ZNF610: variants seen among roughly 807,000 people sequenced by gnomAD.
ZNF610 encodes the protein zinc finger protein 610.
A neutral mutation model predicts 14.1 loss-of-function variants in ZNF610; 14 were observed. That is an observed-to-expected ratio of 0.99 (90% confidence interval 0.65 to 1.55). ZNF610 has a LOEUF of 1.55. Among genes scored for constraint, ZNF610 ranks in the 40% most tolerant of loss-of-function variants. ZNF610 has a pLI of 0.00. For synonymous variants in ZNF610, 185 were observed against 187.6 expected (o/e 0.99, Z 0.11); for missense variants, 530 against 558.0 (o/e 0.95, Z 0.51).
At chr19:52,335,121 C>T (rs940744623), upstream of ZNF610, among the ~76,000 whole-genome samples, 17 of 151,518 alleles carry the variant, frequency 1.1e-4, no homozygotes, top group Non-Finnish European at 2.5e-4. Flanking sequence ...CTGGCTAACA[C>T]GGTGAAACCC....
At chr19:52,345,127 G>A (rs768058689) in intron 1 of ZNF610, 2 of 152,094 alleles carry the variant, frequency 1.3e-5, no homozygotes, top group South Asian at 4.1e-4. Flanking sequence ...TCCTTTTCTG[G>A]TATATCTAGG....
At chr19:52,359,368 C>CTCCATA (rs1985672834) in intron 5 of ZNF610, among the ~76,000 whole-genome samples, 1 of 152,126 alleles carries the variant, frequency 6.6e-6, no homozygotes, top group South Asian at 2.1e-4. Flanking sequence ...AGCTTATTCC[C>CTCCATA]TCCATATTTG....
chr19:52,354,991 CTT>C (rs1033904627), intron 5 of ZNF610, among the ~76,000 whole-genome samples: 5 of 152,202 alleles, frequency 3.3e-5, no homozygotes, highest in African/African-American at 1.2e-4. Context: ...TTTGCTCTCT[CTT>C]GTCACTCAGT....
intron 5 of ZNF610, among the ~76,000 whole-genome samples, chr19:52,361,406 A>C (rs1159469461): frequency 6.6e-6 from 1 of 151,568 alleles, no homozygotes; most frequent in Non-Finnish European, 1.5e-5. Flanking sequence ...TGAACTCCTG[A>C]CCTCAGGAGA....
Position 52,353,737 on chromosome 19 carries a change from C to A in ZNF610, c.119C>A (p.Ser40Tyr), listed in dbSNP as rs762894343. 6.2e-7 allele frequency: 1 copy of A among 1,613,870 alleles called. No homozygotes were observed. Residue 40 changes from serine (S) to tyrosine (Y), a missense_variant, in exon 4 of 6, where the codon TCC becomes TAC. Coordinates refer to ENST00000403906, the MANE Select transcript of ZNF610 (RefSeq NM_001161425.2). ...AIEFSQEEWK[S>Y]LDPGQRALYR... is the part of the protein sequence containing the mutation. ...GAATTCTCTCAGGAGGAGTGGAAAT[C>A]CCTGGACCCTGGACAGAGGGCTTTA...
chr19:52,338,923 G>GCGC (rs1984518498), intron 1 of ZNF610, among the ~76,000 whole-genome samples: 1 of 125,702 alleles, frequency 8.0e-6, no homozygotes, highest in African/African-American at 3.2e-5. Context: ...CGGAGGACCC[G>GCGC]CGCCGGCCCG....
At chr19:52,335,412 A>T (rs1243577023), upstream of ZNF610, among the ~76,000 whole-genome samples, 1 of 152,178 alleles carries the variant, frequency 6.6e-6, no homozygotes, top group Non-Finnish European at 1.5e-5. Flanking sequence ...TCTCACGGAG[A>T]TGCCCCGTTC....
chr19:52,333,282 T>A (rs921267368), upstream of ZNF610, among the ~76,000 whole-genome samples: 1 of 152,090 alleles, frequency 6.6e-6, no homozygotes, highest in Non-Finnish European at 1.5e-5. Context: ...AAGCAGGCAG[T>A]AGGTGGAAGA....
intron 3 of ZNF610, among the ~76,000 whole-genome samples, chr19:52,350,926 G>A (rs1985219791): frequency 6.6e-6 from 1 of 152,126 alleles, no homozygotes; most frequent in Non-Finnish European, 1.5e-5. Context: ...CTTGAACCCG[G>A]GAGGTGGAGG....
Position 52,366,448 on chromosome 19 carries a change from C to T in ZNF610, c.1070C>T (p.Ser357Leu), listed in dbSNP as rs148016576. ...NECGKVFSLL[S>L]YLARHQIIHS... Reference sequence around the variant, plus strand: ...TGTGGCAAGGTCTTTAGTCTGCTTTCATACCTTGCACGGCATCAAATAATT... The same window carrying T: ...TGTGGCAAGGTCTTTAGTCTGCTTTTATACCTTGCACGGCATCAAATAATT... Residue 357 changes from serine to leucine, a missense_variant, in exon 6 of 6, where the codon TCA (serine) becomes TTA (leucine). Physicochemically the swap from Ser to Leu is moderately radical, Grantham distance 145 (BLOSUM62 -2). Transcript: ENST00000403906. The T allele has an allele frequency of 5.3e-4, 861 of 1,614,212 alleles. No homozygotes were observed. Among genetic ancestry groups the T allele is most frequent in the Non-Finnish European group, 7.0e-4 (828 of 1,180,042 alleles).
At chr19:52,360,689 G>GTTT (rs75983926) in intron 5 of ZNF610, among the ~76,000 whole-genome samples, 26,938 of 151,992 alleles carry the variant, frequency 0.18, 2,657 homozygotes, top group East Asian at 0.25. Flanking sequence ...TTTTTATTCT[G>GTTT]TTTTTGTGGA....
At chr19:52,338,328 T>C (rs1984479321) in intron 1 of ZNF610, among the ~76,000 whole-genome samples, 1 of 152,182 alleles carries the variant, frequency 6.6e-6, no homozygotes, top group South Asian at 2.1e-4. Context: ...TTACAAACCA[T>C]ATTACAAAGG....
intron 5 of ZNF610, among the ~76,000 whole-genome samples, chr19:52,360,916 A>T (rs946516638): frequency 2.0e-5 from 3 of 152,166 alleles, no homozygotes; most frequent in Non-Finnish European, 1.5e-5. Context: ...AGCCTTATTG[A>T]ATGAGAGAGG....
At chr19:52,346,211 GTCTC>G (rs1984948622) in intron 1 of ZNF610, among the ~76,000 whole-genome samples, 1 of 150,208 alleles carries the variant, frequency 6.7e-6, no homozygotes, top group African/African-American at 2.5e-5. Flanking sequence ...TTGAGATAGA[GTCTC>G]TCTCTGTTGC....
At chr19:52,338,756 A>C (rs62108272) in intron 1 of ZNF610, among the ~76,000 whole-genome samples, 16,702 of 151,972 alleles carry the variant, frequency 0.11, 1,127 homozygotes, top group African/African-American at 0.18. Context: ...GCTGGTGTGC[A>C]CTGGCGCGAT....
intron 3 of ZNF610, among the ~76,000 whole-genome samples, chr19:52,353,084 G>A (rs1382897170): frequency 2.6e-5 from 4 of 151,944 alleles, no homozygotes; most frequent in Non-Finnish European, 4.4e-5. Flanking sequence ...GATTACAGGC[G>A]CCCGCCACCA....
chr19:52,366,949 A>C lies in ZNF610; in HGVS notation c.*182A>C. ...TGTAAAGTTAATAACATATATAAAT[A>C]ATCTATAAAGAGAGAACAGTTATAT... On this transcript the variant is annotated 3_prime_UTR_variant, in exon 6 of 6. Transcript: ENST00000403906. The C allele has an allele frequency of 1.7e-6, 1 of 573,922 alleles. No individual in the cohort carries two copies. The highest frequency in any genetic ancestry group is 2.5e-5 in the South Asian group (1 of 39,554). 35.6% of individuals were successfully genotyped at this position (573,922 alleles called of 1,614,324 possible).
rs1020363475 is a variant in ZNF610, at chr19:52,353,707, C to T, written c.89C>T (p.Ala30Val). The T allele has an allele frequency of 1.2e-6, 2 of 1,613,616 alleles. No homozygotes were observed. Among genetic ancestry groups the T allele is most frequent in the African/African-American group, 2.7e-5 (2 of 74,838 alleles). ...GGACGCTTGACATTCATGGACGTGG[C>T]CATCGAATTCTCTCAGGAGGAGTGG... is the stretch of plus-strand genomic sequence containing the variant. ...PQGRLTFMDV[A>V]IEFSQEEWKS... Residue 30 changes from alanine to valine, a missense_variant, in exon 4 of 6, where the codon GCC becomes GTC. By Grantham distance (64) the Ala-to-Val change is moderately conservative (BLOSUM62 0). Transcript: ENST00000403906.
Position 52,366,288 on chromosome 19 carries a change from A to C in ZNF610, c.910A>C (p.Thr304Pro). 1 of 1,613,380 alleles carries C rather than the reference A, an allele frequency of 6.2e-7. No homozygotes were observed. Among genetic ancestry groups the C allele is most frequent in the Non-Finnish European group, 8.5e-7 (1 of 1,179,416 alleles). ...AGCTTTTAGAGAGTGTTCGGGACTT[A>C]CTACCCATCTTGTAATCCATACTGG... ...GKAFRECSGL[T>P]THLVIHTGEK... Residue 304 changes from threonine to proline, a missense_variant, in exon 6 of 6, where the codon ACT (threonine) becomes CCT (proline). Thr to Pro is a conservative substitution (Grantham distance 38). Transcript: ENST00000403906.
Sources: gnomAD v4.1 joint callset for allele counts (sites outside exome capture counted in the v4.1 genomes callset) on GRCh38, gnomAD v4.1.1 for gene constraint, MANE v1.5 for transcripts, NCBI Gene and HGNC (gene_info 2026-07-23, HGNC 2026-07-21) for gene names.